Variants in UBR3 observed in about 807,000 individuals in gnomAD.
UBR3 encodes the protein ubiquitin protein ligase E3 component n-recognin 3.
UBR3 carries 85 observed loss-of-function variants against 243.2 expected under a neutral mutation model. That is an observed-to-expected ratio of 0.35 (90% CI 0.29 to 0.42). The LOEUF (loss-of-function observed/expected upper bound fraction) is 0.42, where lower values mean the gene tolerates loss of function less well. UBR3 is among the 10% of genes least tolerant of loss of function. The pLI, the probability that UBR3 is intolerant of heterozygous loss-of-function variation, is 1.00. For synonymous variants in UBR3, 748 were observed against 799.8 expected (o/e 0.94, Z 1.09); for missense variants, 1,686 against 2,300.8 (o/e 0.73, Z 5.47).
intron 2 of UBR3, among the ~76,000 whole-genome samples, chr2:169,874,005 C>T (rs758807183): frequency 4.6e-5 from 7 of 151,730 alleles, no homozygotes; most frequent in Admixed American, 1.3e-4. Context: ...ATGTAGACAA[C>T]GTAAGTACAT....
At chr2:169,968,809 A>G (rs2087947634) in intron 24 of UBR3, among the ~76,000 whole-genome samples, 1 of 152,214 alleles carries the variant, frequency 6.6e-6, no homozygotes, top group Non-Finnish European at 1.5e-5. Context: ...TCTTACTAGT[A>G]GTATACAAGC....
At chr2:170,019,085 C>T (rs1202967764) in intron 30 of UBR3, among the ~76,000 whole-genome samples, 1 of 152,136 alleles carries the variant, frequency 6.6e-6, no homozygotes, top group Admixed American at 6.6e-5. Context: ...CTGCTTATTA[C>T]TGTCATTTAA....
intron 19 of UBR3, 126 bp downstream of exon 19, chr2:169,933,134 T>C (rs1235495858): frequency 1.6e-6 from 1 of 624,814 alleles, no homozygotes. Context: ...GTGAAAATAA[T>C]AATTTAAGGT....
At chr2:170,064,526 T>TATTTTGTGG (rs1259183251) in intron 35 of UBR3, among the ~76,000 whole-genome samples, 2 of 152,058 alleles carry the variant, frequency 1.3e-5, no homozygotes, top group African/African-American at 4.8e-5. Flanking sequence ...GTCTGGAGTT[T>TATTTTGTGG]ATTTTGTGGT....
intron 11 of UBR3, among the ~76,000 whole-genome samples, chr2:169,922,184 G>C (rs913326538): frequency 2.0e-5 from 3 of 151,820 alleles, no homozygotes; most frequent in Non-Finnish European, 2.9e-5. Context: ...TGCTCAGGGG[G>C]CCGAGGAGGG....
chr2:169,902,830 G>A (rs959615728), intron 8 of UBR3, among the ~76,000 whole-genome samples: 9 of 152,046 alleles, frequency 5.9e-5, no homozygotes, highest in Non-Finnish European at 1.2e-4. Context: ...GGCTGGTCTC[G>A]AACTCCTGAC....
chr2:169,891,830 C>T (rs1259460923), intron 6 of UBR3, among the ~76,000 whole-genome samples: 1 of 152,088 alleles, frequency 6.6e-6, no homozygotes, highest in African/African-American at 2.4e-5. Flanking sequence ...GAGGTAGATC[C>T]TAAATTCATA....
chr2:169,929,054 T>C (rs2086016296), intron 18 of UBR3, among the ~76,000 whole-genome samples, 186 bp downstream of exon 18: 1 of 152,218 alleles, frequency 6.6e-6, no homozygotes, highest in Admixed American at 6.5e-5. Flanking sequence ...TAGAAATCTA[T>C]AGCTTTATGT....
At chr2:169,938,074 A>G (rs2086414435) in intron 19 of UBR3, among the ~76,000 whole-genome samples, 1 of 152,098 alleles carries the variant, frequency 6.6e-6, no homozygotes, top group Admixed American at 6.5e-5. Context: ...ATTCTGTTTC[A>G]GTGGTGGAAA....
At chr2:169,927,607 C>T (rs933107425) in intron 17 of UBR3, among the ~76,000 whole-genome samples, 6 of 150,248 alleles carry the variant, frequency 4.0e-5, no homozygotes, top group African/African-American at 1.5e-4. Flanking sequence ...CTGTTATTAC[C>T]TCTTGGGGAA....
chr2:169,942,613 G>T lies in UBR3; in HGVS notation c.2784G>T (p.Val928=). The change falls in exon 20 of 39, where the codon GTG becomes GTT. Residue 928 remains valine, a synonymous_variant. Coordinates refer to ENST00000272793, the MANE Select transcript of UBR3 (RefSeq NM_172070.4). ...RLLHCKTLHI[V]LFTLLYKILM... ...TGCACTGTAAAACTTTACACATTGT[G>T]CTATTCACTCTGCTTTACAAGGTAC... is the stretch of plus-strand genomic sequence containing the variant. 6.5e-7 allele frequency: 1 copy of T among 1,546,460 alleles called. No individual in the cohort carries two copies. Among genetic ancestry groups the T allele is most frequent in the South Asian group, 1.2e-5 (1 of 82,748 alleles).
At chr2:169,949,554 A>G (rs2086924568) in intron 22 of UBR3, 51 bp from the exon 23 acceptor site, 3 of 1,422,830 alleles carry the variant, frequency 2.1e-6, no homozygotes, top group Admixed American at 5.5e-5. Context: ...TTTTAAAATG[A>G]TGCTAAATAA....
At chr2:170,072,222 C>T (rs2091713029) in intron 35 of UBR3, among the ~76,000 whole-genome samples, 1 of 152,134 alleles carries the variant, frequency 6.6e-6, no homozygotes. Flanking sequence ...CACATATACG[C>T]CATGGAATAC....
chr2:169,919,227 A>T (rs1220486265), intron 11 of UBR3, among the ~76,000 whole-genome samples: 1 of 152,210 alleles, frequency 6.6e-6, no homozygotes, highest in African/African-American at 2.4e-5. Flanking sequence ...GGTTATCAGG[A>T]GGCTAAAACC....
chr2:170,004,581 G>A (rs1385959335), intron 27 of UBR3, among the ~76,000 whole-genome samples: 1 of 152,156 alleles, frequency 6.6e-6, no homozygotes, highest in African/African-American at 2.4e-5. Flanking sequence ...GGGTGGGGAA[G>A]GTGAGTGACT....
chr2:170,064,996 C>T (rs10930394), intron 35 of UBR3, among the ~76,000 whole-genome samples: 64,194 of 151,260 alleles, frequency 0.42, 15,166 homozygotes, highest in Non-Finnish European at 0.54. Flanking sequence ...GCATCCACCA[C>T]CACACCCAGC....
chr2:170,003,282 T>C (rs1559176343), intron 27 of UBR3, among the ~76,000 whole-genome samples: 2 of 152,230 alleles, frequency 1.3e-5, no homozygotes, highest in Admixed American at 6.5e-5. Context: ...TGTTGTTGGC[T>C]TAAAATCTCT....
chr2:170,037,096 G>T (rs1047536089), intron 31 of UBR3, among the ~76,000 whole-genome samples: 1 of 152,070 alleles, frequency 6.6e-6, no homozygotes, highest in Non-Finnish European at 1.5e-5. Flanking sequence ...AAATTTATTT[G>T]CAAATAACCA....
chr2:170,079,592 T>G (rs2091873446), intron 36 of UBR3, among the ~76,000 whole-genome samples: 1 of 152,168 alleles, frequency 6.6e-6, no homozygotes, highest in South Asian at 2.1e-4. Flanking sequence ...TCTAAAAAAT[T>G]AAATCATACT....
Sources: allele counts gnomAD v4.1 joint callset (sites outside exome capture counted in the v4.1 genomes callset), GRCh38; gene constraint gnomAD v4.1.1; transcripts MANE v1.5; gene names NCBI Gene and HGNC (gene_info 2026-07-23, HGNC 2026-07-21).